The following FGF13 variants were observed in gnomAD, a reference collection of about 807,000 sequenced individuals.
The protein encoded by FGF13 is fibroblast growth factor homologous factor 2.
Under a neutral mutation model 19.5 loss-of-function variants are expected in FGF13, and 2 were observed. That is an observed-to-expected ratio of 0.10 (90% CI 0.04 to 0.32). FGF13 has a LOEUF of 0.32. Among genes scored for constraint, FGF13 ranks in the 10% least tolerant of loss-of-function variants. FGF13 has a pLI of 1.00. For synonymous variants in FGF13, 72 were observed against 76.9 expected, an observed-to-expected ratio of 0.94 and a Z score of 0.33; for missense variants, 113 against 192.7, an observed-to-expected ratio of 0.59 and a Z score of 2.45.
intron 1 of FGF13, among the ~76,000 whole-genome samples, chrX:138,959,484 C>T (rs1340103026): frequency 9.0e-6 from 1 of 111,662 alleles, no homozygotes; most frequent in African/African-American, 3.3e-5. Flanking sequence ...GTGCTGAGAA[C>T]AATGTATATT....
At chrX:139,056,381 A>G (rs1471067710) in intron 1 of FGF13, among the ~76,000 whole-genome samples, 1 of 112,373 alleles carries the variant, frequency 8.9e-6, no homozygotes, top group Non-Finnish European at 1.9e-5. Context: ...GACCAAGGAT[A>G]GCAAGACCGG....
At chrX:138,826,992 G>T (rs1015118883) in intron 3 of FGF13, among the ~76,000 whole-genome samples, 2 of 112,323 alleles carry the variant, frequency 1.8e-5, no homozygotes, top group Non-Finnish European at 3.8e-5. Flanking sequence ...TAACATGGGG[G>T]AGCATTTATG....
At chrX:138,643,732 C>T (rs1173215242) in intron 3 of FGF13, among the ~76,000 whole-genome samples, 1 of 111,778 alleles carries the variant, frequency 8.9e-6, no homozygotes, top group East Asian at 2.8e-4. Context: ...AAGCGAAGAA[C>T]ACTTCTCTAA....
chrX:138,955,482 T>C (rs1359942819), intron 1 of FGF13, among the ~76,000 whole-genome samples: 1 of 111,865 alleles, frequency 8.9e-6, no homozygotes, highest in Non-Finnish European at 1.9e-5. Context: ...GGTATTATTT[T>C]CTCCAATTTG....
chrX:139,113,946 A>G (rs1412496237), intron 1 of FGF13, among the ~76,000 whole-genome samples: 1 of 111,956 alleles, frequency 8.9e-6, no homozygotes, highest in African/African-American at 3.2e-5. Context: ...GGCAAAGCAA[A>G]AGTGACTTCG....
intron 1 of FGF13, among the ~76,000 whole-genome samples, chrX:138,996,258 G>C (rs1282910689): frequency 8.9e-6 from 1 of 112,500 alleles, no homozygotes; most frequent in Non-Finnish European, 1.9e-5. Flanking sequence ...AAGCAGTTGG[G>C]GGATTTCCCT....
chrX:138,694,981 G>A (rs1437472493), intron 3 of FGF13, among the ~76,000 whole-genome samples: 1 of 83,885 alleles, frequency 1.2e-5, no homozygotes, highest in East Asian at 3.8e-4. Context: ...TTATTTACTA[G>A]TTGAAACACA....
chrX:138,850,734 C>T (rs750528290), intron 3 of FGF13, among the ~76,000 whole-genome samples: 5 of 112,262 alleles, frequency 4.5e-5, no homozygotes, highest in Non-Finnish European at 9.4e-5. Flanking sequence ...TGGTCCCATG[C>T]TTTTCTTTTT....
At chrX:139,185,281 G>C (rs2084274084) in intron 1 of FGF13, among the ~76,000 whole-genome samples, 1 of 112,012 alleles carries the variant, frequency 8.9e-6, no homozygotes, top group African/African-American at 3.2e-5. Flanking sequence ...TTGTATACTT[G>C]AGCATAATAA....
At chrX:138,831,342 A>G (rs1405364870) in intron 3 of FGF13, among the ~76,000 whole-genome samples, 1 of 110,780 alleles carries the variant, frequency 9.0e-6, no homozygotes, top group Non-Finnish European at 1.9e-5. Context: ...TGGGGCCACA[A>G]GTGGGCAACT....
intron 1 of FGF13, among the ~76,000 whole-genome samples, chrX:138,923,797 C>T (rs1367382020): frequency 9.0e-6 from 1 of 111,694 alleles, no homozygotes; most frequent in Non-Finnish European, 1.9e-5. Context: ...GCTGTTTCCT[C>T]TACTTAGAAT....
intron 1 of FGF13, among the ~76,000 whole-genome samples, chrX:138,937,757 G>A (rs1198023322): frequency 1.8e-5 from 2 of 111,895 alleles, no homozygotes; most frequent in Non-Finnish European, 3.8e-5. Flanking sequence ...ACAAAAAATC[G>A]AAGGCCAAAA....
chrX:139,118,081 G>A (rs1351306699), intron 1 of FGF13, among the ~76,000 whole-genome samples: 1 of 111,133 alleles, frequency 9.0e-6, no homozygotes, highest in Non-Finnish European at 1.9e-5. Flanking sequence ...AGTCCTATAG[G>A]GGAACACAGG....
intron 3 of FGF13, among the ~76,000 whole-genome samples, chrX:138,810,516 T>G (rs1438900444): frequency 1.8e-5 from 2 of 111,568 alleles, no homozygotes; most frequent in Non-Finnish European, 1.9e-5. Flanking sequence ...GGCAATACCA[T>G]TCAGGACATA....
chrX:138,659,759 G>T (rs1248718118), intron 3 of FGF13, among the ~76,000 whole-genome samples: 1 of 111,601 alleles, frequency 9.0e-6, no homozygotes, highest in Non-Finnish European at 1.9e-5. Context: ...TCCTTTGCAG[G>T]GACACAGATG....
intron 1 of FGF13, among the ~76,000 whole-genome samples, chrX:139,013,479 TTATA>T (rs202184653): frequency 3.0e-3 from 211 of 70,872 alleles, no homozygotes; most frequent in Middle Eastern, 7.9e-3. Flanking sequence ...AAAGAAAATT[TTATA>T]TATATATATA....
intron 1 of FGF13, among the ~76,000 whole-genome samples, chrX:139,082,604 A>C (rs2083378803): frequency 9.0e-6 from 1 of 111,262 alleles, no homozygotes; most frequent in Non-Finnish European, 1.9e-5. Flanking sequence ...AAGTGAAAAA[A>C]CATAAAGGAT....
chrX:138,884,370 G>A (rs2091441783), intron 1 of FGF13, among the ~76,000 whole-genome samples: 1 of 112,028 alleles, frequency 8.9e-6, no homozygotes, highest in Admixed American at 9.5e-5. Flanking sequence ...GCCCATGCAA[G>A]GGAGAGGGCC....
intron 2 of FGF13, among the ~76,000 whole-genome samples, 161 bp from the exon 3 acceptor site, chrX:138,703,248 C>T (rs1454131902): frequency 8.9e-6 from 1 of 112,021 alleles, no homozygotes; most frequent in Non-Finnish European, 1.9e-5. Flanking sequence ...TACAGACCCC[C>T]ACAAACACAC....
Sources: allele counts gnomAD v4.1 joint callset (sites outside exome capture counted in the v4.1 genomes callset), GRCh38; gene constraint gnomAD v4.1.1; transcripts MANE v1.5; gene names NCBI Gene and HGNC (gene_info 2026-07-23, HGNC 2026-07-21).